Variants in RINT1 observed in about 807,000 individuals in gnomAD.
RINT1 encodes RAD50-interacting protein 1.
A neutral mutation model predicts 97.7 loss-of-function variants in RINT1; 75 were observed. That is an observed-to-expected ratio of 0.77 (90% CI 0.64 to 0.93). RINT1 has a LOEUF of 0.93. Among genes scored for constraint, RINT1 ranks in the 40% least tolerant of loss-of-function variants. RINT1 has a pLI of 0.00. For missense variants in RINT1, 892 were observed against 925.2 expected (o/e 0.96, Z 0.47); for synonymous variants, 303 against 326.3 (o/e 0.93, Z 0.77).
intron 11 of RINT1, among the ~76,000 whole-genome samples, chr7:105,563,267 G>A (rs1478639373): frequency 2.0e-5 from 3 of 152,056 alleles, no homozygotes; most frequent in East Asian, 1.9e-4. Flanking sequence ...GTGGGGAGAC[G>A]GTATTAGAGG....
Position 105,542,439 on chromosome 7 carries a change from G to A in RINT1, c.305G>A (p.Arg102Lys). ...ACAATTTCATCAGAAATTCCTAAAAGAATTCGAAGTGCCTTAAAAAATGCA... is the reference window on the plus strand; with the variant it reads ...ACAATTTCATCAGAAATTCCTAAAAAAATTCGAAGTGCCTTAAAAAATGCA... ...VLTISSEIPK[R>K]IRSALKNAEE... Residue 102 changes from arginine (R) to lysine (K), a missense_variant, in exon 4 of 15, where the codon AGA becomes AAA. Physicochemically the swap from Arg to Lys is conservative, Grantham distance 26. Transcript: ENST00000257700. 6.2e-7 allele frequency: 1 copy of A among 1,611,166 alleles called. No homozygotes were observed. Among genetic ancestry groups the A allele is most frequent in the Non-Finnish European group, 8.5e-7 (1 of 1,177,680 alleles).
intron 3 of RINT1, among the ~76,000 whole-genome samples, chr7:105,539,948 G>C (rs920095566): frequency 5.3e-5 from 8 of 152,068 alleles, no homozygotes; most frequent in African/African-American, 1.9e-4. Flanking sequence ...GCAGTGCCTG[G>C]TACAGAATAA....
chr7:105,567,565 G>A lies in RINT1; in HGVS notation c.*254G>A. The A allele has an allele frequency of 1.6e-6, 1 of 634,422 alleles. No individual in the cohort carries two copies. Among genetic ancestry groups the A allele is most frequent in the South Asian group, 1.7e-5 (1 of 58,184 alleles). 39.3% of individuals were successfully genotyped at this position (634,422 alleles called of 1,614,324 possible). A position where few individuals can be genotyped will look rare whatever the true frequency, so the allele number is the denominator to read the frequency against. On this transcript the variant is annotated 3_prime_UTR_variant, in exon 15 of 15. Coordinates refer to ENST00000257700, the MANE Select transcript of RINT1 (RefSeq NM_021930.6). ...ACAAGTATAAATGCTGAGTATGTCT[G>A]TTGAAGACGAGCAGAGATATTAAAT...
In RINT1 at chr7:105,555,075, G is replaced by A. The variant is rs143184349; in HGVS notation, c.1519G>A (p.Glu507Lys). The change falls in exon 11 of 15, where the codon GAG (glutamate) becomes AAG (lysine). Residue 507 changes from glutamate to lysine, a missense_variant. By Grantham distance (56) the Glu-to-Lys change is moderately conservative. Transcript: ENST00000257700. ...PTASRKLQFLELQKDLVDDFR... is the reference protein window; with the variant it reads ...PTASRKLQFLKLQKDLVDDFR... ...AGCTTCCCGAAAGCTTCAGTTCCTG[G>A]AGTTACAGAAGGACTTAGTAGATGA... 104 of 1,613,874 alleles carry A rather than the reference G, an allele frequency of 6.4e-5. No homozygotes were observed. Among genetic ancestry groups the A allele is most frequent in the Non-Finnish European group, 8.3e-5 (98 of 1,180,006 alleles).
Position 105,567,496 on chromosome 7 carries a change from GAAACAA to G in RINT1, c.*191_*196del. ...TTTCCTTCATCCTCTTGTTCCTAAG[GAAACAA>G]AAACAGAAAACGAAACAATGAAAAC... On this transcript the variant is annotated 3_prime_UTR_variant, in exon 15 of 15. Coordinates refer to ENST00000257700, the MANE Select transcript of RINT1 (RefSeq NM_021930.6). The G allele has an allele frequency of 1.4e-6, 1 of 700,032 alleles. No homozygotes were observed. Among genetic ancestry groups the G allele is most frequent in the Non-Finnish European group, 2.6e-6 (1 of 388,528 alleles). 43.4% of individuals were successfully genotyped at this position (700,032 alleles called of 1,614,324 possible).
intron 6 of RINT1, among the ~76,000 whole-genome samples, chr7:105,547,634 G>A (rs573218737): frequency 1.3e-5 from 2 of 151,836 alleles, no homozygotes; most frequent in South Asian, 2.1e-4. Flanking sequence ...GTGTCATAGC[G>A]TGAATTTAAT....
intron 10 of RINT1, among the ~76,000 whole-genome samples, chr7:105,554,473 CTG>C (rs1791088380): frequency 6.9e-6 from 1 of 145,514 alleles, no homozygotes; most frequent in South Asian, 2.1e-4. Context: ...GAGTCTCACT[CTG>C]TTGCCTAGGC....
chr7:105,562,442 T>C (rs1369004585), intron 11 of RINT1, among the ~76,000 whole-genome samples: 1 of 152,148 alleles, frequency 6.6e-6, no homozygotes, highest in Non-Finnish European at 1.5e-5. Context: ...AGATAAGGTC[T>C]CACTATAAAA....
At chr7:105,539,718 T>C (rs564694800) in intron 3 of RINT1, among the ~76,000 whole-genome samples, 8 of 152,278 alleles carry the variant, frequency 5.3e-5, no homozygotes, top group African/African-American at 1.9e-4. Flanking sequence ...GATTGGGAGC[T>C]TTGTAGAAAT....
At chr7:105,542,724 AT>A in intron 4 of RINT1, 75 bp downstream of exon 4, 1 of 1,420,976 alleles carries the variant, frequency 7.0e-7, no homozygotes, top group Non-Finnish European at 9.4e-7. Context: ...CATGTGTGCC[AT>A]TAAATAATTG....
At chr7:105,534,134 G>A (rs1274904380) in intron 2 of RINT1, among the ~76,000 whole-genome samples, 2 of 151,660 alleles carry the variant, frequency 1.3e-5, no homozygotes, top group African/African-American at 2.4e-5. Flanking sequence ...GCAGTGGCGC[G>A]ATCTCGCCTT....
intron 11 of RINT1, among the ~76,000 whole-genome samples, chr7:105,555,514 T>C (rs1791142557): frequency 6.6e-6 from 1 of 152,204 alleles, no homozygotes; most frequent in Non-Finnish European, 1.5e-5. Context: ...TGTATGGTAA[T>C]TGCAATCACA....
chr7:105,541,279 GGT>G (rs1048329108), intron 3 of RINT1, among the ~76,000 whole-genome samples: 2 of 151,256 alleles, frequency 1.3e-5, no homozygotes, highest in Non-Finnish European at 2.9e-5. Flanking sequence ...GGGATTACAA[GGT>G]GTGTGCCACC....
rs753645726 is a variant in RINT1 at position 105,547,197 on chromosome 7, A to AT, written c.707dup (p.Leu236PhefsTer47). ...TTTCCATTGCAGTGATTTTGAGGAA[A>AT]TTTTAGCACAGCTTCATTGGCCATT... On this transcript the variant is annotated frameshift_variant, in exon 6 of 15. Coordinates refer to ENST00000257700, the MANE Select transcript of RINT1 (RefSeq NM_021930.6). LOFTEE classifies it high-confidence loss of function. The AT allele has an allele frequency of 1.9e-6, 3 of 1,614,000 alleles. No individual in the cohort carries two copies. The South Asian group carries it at 3.3e-5, about 18-fold the overall frequency.
At chr7:105,548,817 T>G in intron 7 of RINT1, 107 bp downstream of exon 7, 1 of 1,118,226 alleles carries the variant, frequency 8.9e-7, no homozygotes, top group Non-Finnish European at 1.3e-6. Context: ...CATTTCTGTT[T>G]TTTTTCTAAA....
At chr7:105,534,082 T>C (rs919929332) in intron 2 of RINT1, among the ~76,000 whole-genome samples, 1 of 152,138 alleles carries the variant, frequency 6.6e-6, no homozygotes, top group African/African-American at 2.4e-5. Flanking sequence ...TAATTTTTTT[T>C]TTTTTTGAGA....
chr7:105,546,111 G>A (rs1303404063), intron 4 of RINT1, among the ~76,000 whole-genome samples: 1 of 152,190 alleles, frequency 6.6e-6, no homozygotes, highest in Non-Finnish European at 1.5e-5. Flanking sequence ...TTACAGGGTT[G>A]AGCCACCAAG....
At chr7:105,543,009 C>T (rs963856478) in intron 4 of RINT1, among the ~76,000 whole-genome samples, 6 of 151,808 alleles carry the variant, frequency 4.0e-5, no homozygotes, top group Non-Finnish European at 7.4e-5. Context: ...CTCAGCCTCC[C>T]GAGTAGCTGG....
At chr7:105,545,828 G>A (rs1322699571) in intron 4 of RINT1, among the ~76,000 whole-genome samples, 3 of 145,700 alleles carry the variant, frequency 2.1e-5, no homozygotes, top group East Asian at 2.1e-4. Flanking sequence ...TCTTTGAGAC[G>A]GAGTCTCACT....
Sources: gnomAD v4.1 joint callset for allele counts (sites outside exome capture counted in the v4.1 genomes callset) on GRCh38, gnomAD v4.1.1 for gene constraint, MANE v1.5 for transcripts, NCBI Gene and HGNC (gene_info 2026-07-23, HGNC 2026-07-21) for gene names.